RGS7: variants seen among roughly 807,000 people sequenced by gnomAD.
RGS7 encodes the protein regulator of G protein signaling 7.
Under a neutral mutation model 81.1 loss-of-function variants are expected in RGS7, and 27 were observed. That is an observed-to-expected ratio of 0.33 (90% CI 0.25 to 0.46). RGS7 has a LOEUF of 0.46. Ranked by LOEUF, RGS7 falls within the 20% of genes least tolerant of loss-of-function variation. The probability of loss-of-function intolerance (pLI) is 1.00; values close to 1 mark genes in which losing one functional copy is unlikely to be tolerated. For synonymous variants in RGS7, 208 were observed against 207.7 expected (o/e 1.00, Z -0.01); for missense variants, 396 against 607.4 (o/e 0.65, Z 3.66).
chr1:241,269,093 A>T (rs1203841684), intron 2 of RGS7, among the ~76,000 whole-genome samples: 1 of 152,252 alleles, frequency 6.6e-6, no homozygotes, highest in Non-Finnish European at 1.5e-5. Context: ...TTGATCACTT[A>T]TATCATTTTT....
rs564907505 is a variant in RGS7, at chr1:241,010,605, G to T, written c.176-27476C>A. ...GCTCTCCTCCTTAGAGGCCAAGAGAGAAATTAAATTAAAGTCCATAGATCA... is the reference window on the plus strand; with the variant it reads ...GCTCTCCTCCTTAGAGGCCAAGAGATAAATTAAATTAAAGTCCATAGATCA... On this transcript the variant is annotated intron_variant, in intron 3 of 18. Transcript: ENST00000440928. 3.3e-5 allele frequency among the ~76,000 whole-genome samples: 5 copies of T among 152,320 alleles called. No individual in the cohort carries two copies. The South Asian group carries it at 8.3e-4, about 25-fold the overall frequency.
At chr1:240,970,482 G>A (rs777396053) in intron 4 of RGS7, among the ~76,000 whole-genome samples, 5 of 152,216 alleles carry the variant, frequency 3.3e-5, no homozygotes, top group African/African-American at 1.2e-4. Flanking sequence ...ATAAGGTGGG[G>A]AGTAAAAGAA....
chr1:240,937,166 C>T (rs371254275), intron 4 of RGS7, among the ~76,000 whole-genome samples: 10 of 152,128 alleles, frequency 6.6e-5, no homozygotes, highest in Admixed American at 1.3e-4. Context: ...TTGTGTGGTA[C>T]GACTCCAGCC....
intron 18 of RGS7, among the ~76,000 whole-genome samples, chr1:240,786,126 T>G (rs944284210): frequency 1.3e-5 from 2 of 152,182 alleles, no homozygotes; most frequent in African/African-American, 4.8e-5. Context: ...ACTTTCATTT[T>G]CTTAAAATAT....
intron 2 of RGS7, among the ~76,000 whole-genome samples, chr1:241,275,760 C>T (rs1040178921): frequency 1.3e-5 from 2 of 152,184 alleles, no homozygotes; most frequent in Non-Finnish European, 2.9e-5. Flanking sequence ...CAAGCATTGC[C>T]ATTCCAGGAG....
At chr1:241,058,016 G>T (rs2061557122) in intron 3 of RGS7, among the ~76,000 whole-genome samples, 1 of 152,136 alleles carries the variant, frequency 6.6e-6, no homozygotes, top group Non-Finnish European at 1.5e-5. Context: ...TCAGGTGATG[G>T]TCATGCAGTT....
In RGS7 at chr1:241,161,866, T is replaced by G. The variant is rs10158277; in HGVS notation, c.79-63104A>C. Among the ~76,000 whole-genome samples, 4 of 151,940 alleles carry G rather than the reference T, an allele frequency of 2.6e-5. No homozygotes were observed. The East Asian group carries it at 7.8e-4, about 30-fold the overall frequency. On this transcript the variant is annotated intron_variant, in intron 2 of 18. Transcript: ENST00000440928. The stretch of plus-strand genomic sequence containing the variant: ...CCGAGTAGCTGGGATTACAGGCGCC[T>G]GCTACCACGCCTGGCTAATTTTTGT...
chr1:241,337,477 T>C (rs1480969911), intron 2 of RGS7, among the ~76,000 whole-genome samples: 1 of 152,146 alleles, frequency 6.6e-6, no homozygotes, highest in Non-Finnish European at 1.5e-5. Flanking sequence ...TTTCTTAGCA[T>C]ACTGTATGTT....
At chr1:241,147,558 T>C (rs1349572630) in intron 2 of RGS7, among the ~76,000 whole-genome samples, 2 of 151,866 alleles carry the variant, frequency 1.3e-5, no homozygotes, top group Admixed American at 1.3e-4. Context: ...CTCCATATTT[T>C]ATGATTAAGA....
intron 2 of RGS7, among the ~76,000 whole-genome samples, chr1:241,239,886 T>C (rs1296209899): frequency 6.6e-6 from 1 of 152,220 alleles, no homozygotes; most frequent in East Asian, 1.9e-4. Flanking sequence ...CTTCTTTGCC[T>C]GCAGTTCAGC....
At chr1:241,072,624 T>C (rs1353429557) in intron 3 of RGS7, among the ~76,000 whole-genome samples, 1 of 152,160 alleles carries the variant, frequency 6.6e-6, no homozygotes, top group African/African-American at 2.4e-5. Context: ...TCCAGGTTGA[T>C]GGTGTCCTGT....
chr1:240,887,226 G>GTTTTT (rs71297739), intron 6 of RGS7, among the ~76,000 whole-genome samples: 1,140 of 76,222 alleles, frequency 0.015, 54 homozygotes, highest in African/African-American at 0.038. Context: ...GAGTATATAG[G>GTTTTT]TTTTTTTTTT....
At chr1:240,906,642 A>G (rs549229288) in intron 6 of RGS7, among the ~76,000 whole-genome samples, 1 of 152,342 alleles carries the variant, frequency 6.6e-6, no homozygotes, top group Admixed American at 6.5e-5. Context: ...CTAGGAGTAC[A>G]ATGTGTTATC....
chr1:241,350,515 C>A (rs2083167846), intron 2 of RGS7, among the ~76,000 whole-genome samples: 4 of 152,088 alleles, frequency 2.6e-5, no homozygotes, highest in Admixed American at 1.3e-4. Context: ...ACATTCCTTC[C>A]TTTTCTAGTG....
chr1:241,014,499 G>T (rs555096383), intron 3 of RGS7, among the ~76,000 whole-genome samples: 1 of 152,300 alleles, frequency 6.6e-6, no homozygotes, highest in African/African-American at 2.4e-5. Flanking sequence ...AATGTTACTT[G>T]TCTACAGGTA....
At chr1:241,096,648 T>A (rs1223511432) in intron 3 of RGS7, among the ~76,000 whole-genome samples, 1 of 152,186 alleles carries the variant, frequency 6.6e-6, no homozygotes, top group African/African-American at 2.4e-5. Context: ...ATATGTCCAA[T>A]CTTATTTTTC....
At chr1:240,866,012 G>A (rs1288031893) in intron 9 of RGS7, among the ~76,000 whole-genome samples, 1 of 152,172 alleles carries the variant, frequency 6.6e-6, no homozygotes, top group Non-Finnish European at 1.5e-5. Context: ...GGCAGACACA[G>A]CCTTTGGACA....
chr1:241,063,869 T>C (rs983497746), intron 3 of RGS7, among the ~76,000 whole-genome samples: 3 of 152,234 alleles, frequency 2.0e-5, no homozygotes, highest in African/African-American at 7.2e-5. Context: ...GTCAGGAAAC[T>C]AACGACACTG....
At chr1:241,305,849 C>A in intron 2 of RGS7, 1 of 310,680 alleles carries the variant, frequency 3.2e-6, no homozygotes, top group Non-Finnish European at 6.4e-6. Context: ...CACCTTGTGG[C>A]CTTTGTTGAG....
Sources: allele counts gnomAD v4.1 joint callset (sites outside exome capture counted in the v4.1 genomes callset), GRCh38; gene constraint gnomAD v4.1.1; transcripts MANE v1.5; gene names NCBI Gene and HGNC (gene_info 2026-07-23, HGNC 2026-07-21).